Variants in ZC3H11A observed in about 807,000 individuals in gnomAD.
ZC3H11A encodes zinc finger CCCH domain-containing protein 11A.
Under a neutral mutation model 90.8 loss-of-function variants are expected in ZC3H11A, and 22 were observed. That is an observed-to-expected ratio of 0.24 (90% CI 0.17 to 0.35). ZC3H11A has a LOEUF of 0.35. Among genes scored for constraint, ZC3H11A ranks in the 10% least tolerant of loss-of-function variants. The pLI is 1.00. For missense variants in ZC3H11A, 701 were observed against 964.9 expected (o/e 0.73, Z 3.62); for synonymous variants, 294 against 339.8 (o/e 0.87, Z 1.48).
intron 2 of ZC3H11A, among the ~76,000 whole-genome samples, chr1:203,808,363 G>A (rs916482971): frequency 1.3e-5 from 2 of 152,066 alleles, no homozygotes; most frequent in African/African-American, 2.4e-5. Flanking sequence ...CTGAAAGTTT[G>A]TATGATTTTG....
Position 203,807,522 on chromosome 1 carries a change from G to GT in ZC3H11A, c.-146+4516dup, listed in dbSNP as rs1245271188. On this transcript the variant is annotated intron_variant, in intron 2 of 17. Coordinates refer to ENST00000367210, the MANE Select transcript of ZC3H11A (RefSeq NM_001376342.1). ...ACACAAAGTTTTGTTTTGTCTTACT[G>GT]TTTTTTTTTTGTTGGTTTTTTAGAG... 6.5e-3 allele frequency among the ~76,000 whole-genome samples: 940 copies of GT among 144,854 alleles called. 6 individuals carry two copies. The highest frequency in any genetic ancestry group is 9.4e-3 in the Non-Finnish European group (618 of 65,724).
At position 203,852,342 on chromosome 1, in the gene ZC3H11A, T is replaced by A; in HGVS notation, c.2376T>A (p.Asp792Glu). ...GGKLEAEIDL[D>E]PGKDEDDLLL... Reference sequence around the variant, plus strand: ...AATTGGAAGCTGAGATTGACCTGGATCCTGGGAAAGATGAAGATGACCTTC... The same window carrying A: ...AATTGGAAGCTGAGATTGACCTGGAACCTGGGAAAGATGAAGATGACCTTC... The change falls in exon 18 of 18, where the codon GAT (aspartate) becomes GAA (glutamate). Residue 792 changes from aspartate (D) to glutamate (E), a missense_variant. By Grantham distance (45) the Asp-to-Glu change is conservative. Around this residue, in one of 4 missense-constraint regions of ZC3H11A, gnomAD observed 21 missense variants for 49.1 expected, o/e 0.43. Coordinates refer to ENST00000367210, the MANE Select transcript of ZC3H11A (RefSeq NM_001376342.1). 6.2e-7 allele frequency: 1 copy of A among 1,613,656 alleles called. No individual in the cohort carries two copies. Among genetic ancestry groups the A allele is most frequent in the Non-Finnish European group, 8.5e-7 (1 of 1,179,836 alleles).
At chr1:203,813,645 C>T (rs1558104723) in intron 2 of ZC3H11A, among the ~76,000 whole-genome samples, 1 of 152,106 alleles carries the variant, frequency 6.6e-6, no homozygotes, top group African/African-American at 2.4e-5. Context: ...TGTTGTCTCA[C>T]AATTCTGAAG....
At chr1:203,850,974 C>G (rs1689106081) in intron 16 of ZC3H11A, 83 bp from the exon 17 acceptor site, 1 of 1,491,638 alleles carries the variant, frequency 6.7e-7, no homozygotes, top group Non-Finnish European at 9.3e-7. Flanking sequence ...AGCCACAATT[C>G]TAAGAAGGCA....
chr1:203,844,874 T>A (rs548069250), intron 12 of ZC3H11A, among the ~76,000 whole-genome samples: 10 of 152,168 alleles, frequency 6.6e-5, no homozygotes, highest in African/African-American at 2.2e-4. Context: ...AGCTTGGGAT[T>A]TTCATGCTCT....
rs189586911 is a variant in ZC3H11A at position 203,825,373 on chromosome 1, A to T, written c.175-2926A>T. On this transcript the variant is annotated intron_variant, in intron 4 of 17. Coordinates refer to ENST00000367210, the MANE Select transcript of ZC3H11A (RefSeq NM_001376342.1). Reference sequence around the variant, plus strand: ...GTTTTATCTTTGGATCATGTGCTGTATTACTGTTAAAAATGTGAAGACATA... The same window carrying T: ...GTTTTATCTTTGGATCATGTGCTGTTTTACTGTTAAAAATGTGAAGACATA... Among the ~76,000 whole-genome samples, 7 of 150,466 alleles carry T rather than the reference A, an allele frequency of 4.7e-5. No homozygotes were observed. In the East Asian group the frequency reaches 1.4e-3, roughly 29 times the overall value.
chr1:203,818,715 A>C (rs1316216760), intron 4 of ZC3H11A, 26 bp downstream of exon 4: 2 of 1,613,666 alleles, frequency 1.2e-6, no homozygotes, highest in Non-Finnish European at 1.7e-6. Context: ...CCGTTATCAT[A>C]ATAAGTAGTC....
chr1:203,819,384 G>A (rs2102824843), intron 4 of ZC3H11A, among the ~76,000 whole-genome samples: 1 of 150,938 alleles, frequency 6.6e-6, no homozygotes, highest in South Asian at 2.1e-4. Flanking sequence ...ACCATGGCCT[G>A]CTAATTTTTG....
chr1:203,815,643 G>C (rs1365422924), intron 2 of ZC3H11A, among the ~76,000 whole-genome samples: 1 of 151,940 alleles, frequency 6.6e-6, no homozygotes, highest in Non-Finnish European at 1.5e-5. Context: ...TAAACATTTG[G>C]GTACATGTTT....
intron 12 of ZC3H11A, among the ~76,000 whole-genome samples, chr1:203,845,461 C>T (rs1687631362): frequency 6.6e-6 from 1 of 152,172 alleles, no homozygotes; most frequent in Non-Finnish European, 1.5e-5. Flanking sequence ...AGTCGTTGTT[C>T]TCATGAAGTC....
intron 1 of ZC3H11A, chr1:203,797,614 T>A: frequency 1.3e-6 from 2 of 1,535,830 alleles, no homozygotes; most frequent in Non-Finnish European, 1.7e-6. Context: ...CTGGGATGTG[T>A]TCCTATTAAT....
At chr1:203,800,506 C>T in intron 1 of ZC3H11A, 1 of 1,443,086 alleles carries the variant, frequency 6.9e-7, no homozygotes, top group African/African-American at 1.4e-5. Context: ...TGCTGTGTTA[C>T]TGTATCTTAA....
At chr1:203,843,104 T>G (rs1349207820) in intron 12 of ZC3H11A, among the ~76,000 whole-genome samples, 2 of 152,240 alleles carry the variant, frequency 1.3e-5, no homozygotes, top group Non-Finnish European at 2.9e-5. Context: ...TTGGACATTC[T>G]TATTCTGTTG....
chr1:203,806,935 C>T (rs1672593122), intron 2 of ZC3H11A, among the ~76,000 whole-genome samples: 1 of 141,008 alleles, frequency 7.1e-6, no homozygotes, highest in Non-Finnish European at 1.5e-5. Flanking sequence ...AAAATTACTA[C>T]AGGATTTTTT....
intron 12 of ZC3H11A, among the ~76,000 whole-genome samples, chr1:203,843,111 G>A (rs538457070): frequency 6.6e-6 from 1 of 152,160 alleles, no homozygotes; most frequent in Non-Finnish European, 1.5e-5. Context: ...TTCTTATTCT[G>A]TTGTATGCAA....
chr1:203,818,620 T>C lies in ZC3H11A; in HGVS notation c.105T>C (p.Thr35=), dbSNP rs764510525. The stretch of plus-strand genomic sequence containing the variant: ...GTGAAGCTGCAATAGGAAATGAAAC[T>C]GTTTGCACATTATGGCAAGAAGGGC... ...RHCEAAIGNE[T]VCTLWQEGRC... is the part of the protein sequence containing the mutation. The change falls in exon 4 of 18, where the codon ACT becomes ACC. Residue 35 remains threonine, a synonymous_variant. Coordinates refer to ENST00000367210, the MANE Select transcript of ZC3H11A (RefSeq NM_001376342.1). 1 of 1,614,182 alleles carries C rather than the reference T, an allele frequency of 6.2e-7. No individual in the cohort carries two copies. The highest frequency in any genetic ancestry group is 8.5e-7 in the Non-Finnish European group (1 of 1,180,038).
intron 4 of ZC3H11A, among the ~76,000 whole-genome samples, chr1:203,822,774 C>G (rs1465971070): frequency 6.6e-6 from 1 of 152,178 alleles, no homozygotes; most frequent in Non-Finnish European, 1.5e-5. Flanking sequence ...TATGCCAGTT[C>G]CACATGGTCA....
In ZC3H11A at chr1:203,799,208, T is replaced by A. The variant is rs558658041; in HGVS notation, c.-1587-2367T>A. The A allele has an allele frequency of 4.0e-6, 4 of 1,011,752 alleles. No homozygotes were observed. In the East Asian group the frequency reaches 1.0e-4, roughly 26 times the overall value. 62.7% of individuals were successfully genotyped at this position (1,011,752 alleles called of 1,614,324 possible). The stretch of plus-strand genomic sequence containing the variant: ...ATTTCCTTATCCCTAGCTTCATTGT[T>A]TCTGACAATTCCTCTAATGTGGTAC... On this transcript the variant is annotated intron_variant, in intron 1 of 17. Coordinates refer to ENST00000367210, the MANE Select transcript of ZC3H11A (RefSeq NM_001376342.1).
At chr1:203,848,273 C>A in intron 13 of ZC3H11A, 58 bp from the exon 14 acceptor site, 3 of 1,399,892 alleles carry the variant, frequency 2.1e-6, no homozygotes, top group Non-Finnish European at 1.0e-6. Flanking sequence ...TTTAACATAT[C>A]TATCATGAAG....
Sources: allele counts gnomAD v4.1 joint callset (sites outside exome capture counted in the v4.1 genomes callset), GRCh38; gene constraint gnomAD v4.1.1; regional missense constraint gnomAD v4.1.1; transcripts MANE v1.5; gene names NCBI Gene and HGNC (gene_info 2026-07-23, HGNC 2026-07-21).